PVT1: variants seen among roughly 807,000 people sequenced by gnomAD.
PVT1 encodes Pvt1 oncogene.
chr8:127,885,971 C>T (rs1391327826), intron 2 of PVT1, among the ~76,000 whole-genome samples: 1 of 152,090 alleles, frequency 6.6e-6, no homozygotes, highest in Non-Finnish European at 1.5e-5. Flanking sequence ...GTGGCTAACA[C>T]CTCTAATCCC....
At chr8:127,945,863 C>G (rs1388375173) in intron 3 of PVT1, among the ~76,000 whole-genome samples, 1 of 152,032 alleles carries the variant, frequency 6.6e-6, no homozygotes, top group Non-Finnish European at 1.5e-5. Context: ...GAAGGCCTGG[C>G]TTTTGGGACA....
chr8:127,914,757 T>G (rs1441409670), intron 3 of PVT1, among the ~76,000 whole-genome samples: 1 of 151,958 alleles, frequency 6.6e-6, no homozygotes, highest in Non-Finnish European at 1.5e-5. Flanking sequence ...AGAAAGCAGA[T>G]TAATGGTTGC....
chr8:127,932,092 G>A (rs372190076), intron 3 of PVT1, among the ~76,000 whole-genome samples: 7 of 152,340 alleles, frequency 4.6e-5, no homozygotes, highest in South Asian at 2.1e-4. Flanking sequence ...GGCCTTTGGC[G>A]GTGGACAGTC....
intron 4 of PVT1, among the ~76,000 whole-genome samples, chr8:128,059,816 A>G (rs936281663): frequency 6.6e-6 from 1 of 152,222 alleles, no homozygotes; most frequent in African/African-American, 2.4e-5. Flanking sequence ...ACCTGAAGCC[A>G]CATGCAGCAT....
At chr8:127,969,695 A>G (rs1170437286) in intron 3 of PVT1, among the ~76,000 whole-genome samples, 1 of 152,198 alleles carries the variant, frequency 6.6e-6, no homozygotes, top group Non-Finnish European at 1.5e-5. Flanking sequence ...GGAAGTAAAG[A>G]GTCATATCCA....
chr8:128,091,970 G>T (rs2130169047), intron 5 of PVT1, among the ~76,000 whole-genome samples: 1 of 152,280 alleles, frequency 6.6e-6, no homozygotes, highest in East Asian at 1.9e-4. Flanking sequence ...GTGGGAATAT[G>T]AGAGGAGTTT....
At position 128,076,243 on chromosome 8, in the gene PVT1, T is replaced by C. The variant is rs796461254; in HGVS notation, n.1114+5882T>C. Among the ~76,000 whole-genome samples, 36 of 152,318 alleles carry C rather than the reference T, an allele frequency of 2.4e-4. 1 individual carries two copies. Among genetic ancestry groups the C allele is most frequent in the African/African-American group, 7.5e-4 (31 of 41,580 alleles). ...TGCACAATGGACCCAGTGAGCAGCC[T>C]GAAGCTCTTTAGACTGAATAACTGG... is the stretch of plus-strand genomic sequence containing the variant. On this transcript the variant is annotated intron_variant and non_coding_transcript_variant, in intron 5 of 10. Transcript: ENST00000651587.
chr8:127,985,054 G>A (rs1306335468), intron 3 of PVT1, among the ~76,000 whole-genome samples: 1 of 62,836 alleles, frequency 1.6e-5, no homozygotes, highest in African/African-American at 6.5e-5. Context: ...TTTTTTTTTT[G>A]ACAGATTCTC....
intron 4 of PVT1, among the ~76,000 whole-genome samples, chr8:128,027,335 G>A (rs1813315448): frequency 6.6e-6 from 1 of 152,206 alleles, no homozygotes. Context: ...GAGGTCCCTG[G>A]AGAGTGGAAC....
At chr8:128,051,944 G>A (rs541064831) in intron 4 of PVT1, among the ~76,000 whole-genome samples, 2 of 152,130 alleles carry the variant, frequency 1.3e-5, no homozygotes, top group Non-Finnish European at 2.9e-5. Context: ...CTTTAGGATT[G>A]GTTACTGGTG....
At chr8:128,024,589 T>G (rs541347989) in intron 4 of PVT1, among the ~76,000 whole-genome samples, 1 of 152,128 alleles carries the variant, frequency 6.6e-6, no homozygotes, top group African/African-American at 2.4e-5. Context: ...ATTGTGTCAC[T>G]GCACTCCAGC....
chr8:127,910,457 CAT>C (rs929822863), intron 3 of PVT1, among the ~76,000 whole-genome samples: 1 of 152,208 alleles, frequency 6.6e-6, no homozygotes, highest in African/African-American at 2.4e-5. Flanking sequence ...GAAATGATCA[CAT>C]GTGTAGGAAG....
intron 4 of PVT1, among the ~76,000 whole-genome samples, chr8:127,993,415 C>G (rs979451035): frequency 1.3e-5 from 2 of 152,208 alleles, no homozygotes; most frequent in Non-Finnish European, 2.9e-5. Flanking sequence ...CAGGTGACCA[C>G]CCACCGTAGC....
chr8:128,005,278 C>T (rs1043725223), intron 4 of PVT1, among the ~76,000 whole-genome samples: 22 of 152,130 alleles, frequency 1.4e-4, no homozygotes, highest in African/African-American at 5.1e-4. Context: ...AGCTCATCAG[C>T]TATCGTTAGT....
At chr8:127,971,974 A>G (rs1739028221) in intron 3 of PVT1, among the ~76,000 whole-genome samples, 1 of 152,068 alleles carries the variant, frequency 6.6e-6, no homozygotes, top group African/African-American at 2.4e-5. Context: ...CCCCTCCTCT[A>G]CTCAGATCGC....
chr8:127,979,867 G>GT lies in PVT1; in HGVS notation n.783-9288dup, dbSNP rs544568363. Among the ~76,000 whole-genome samples, 27 of 144,942 alleles carry GT rather than the reference G, an allele frequency of 1.9e-4. No homozygotes were observed. In the East Asian group the frequency reaches 3.7e-3, roughly 20 times the overall value. On this transcript the variant is annotated intron_variant and non_coding_transcript_variant, in intron 3 of 10. Transcript: ENST00000651587. ...GCCTGGATGGAGAAACATCTGCTTT[G>GT]TTTTTTTGTTGTGGTGGTGGTTTGT... is the stretch of plus-strand genomic sequence containing the variant.
intron 1 of PVT1, chr8:127,794,774 C>G (rs1814374820): frequency 6.5e-6 from 1 of 153,548 alleles, no homozygotes; most frequent in Non-Finnish European, 1.5e-5. Flanking sequence ...TGGAAACTCT[C>G]GAGACTTGGC....
chr8:127,919,785 A>G (rs1045642586), intron 3 of PVT1, among the ~76,000 whole-genome samples: 3 of 152,150 alleles, frequency 2.0e-5, no homozygotes, highest in Admixed American at 6.5e-5. Flanking sequence ...GTGGAAGGAA[A>G]GCCTCCAAGC....
At chr8:127,904,886 C>T (rs555047276) in intron 3 of PVT1, among the ~76,000 whole-genome samples, 2 of 152,200 alleles carry the variant, frequency 1.3e-5, no homozygotes, top group Non-Finnish European at 2.9e-5. Context: ...AAACCAAGCT[C>T]GGGCCCCTCT....
Sources: gnomAD v4.1 joint callset for allele counts (sites outside exome capture counted in the v4.1 genomes callset) on GRCh38, gnomAD v4.1.1 for gene constraint, MANE v1.5 for transcripts, NCBI Gene and HGNC (gene_info 2026-07-23, HGNC 2026-07-21) for gene names.